The following TTC23L variants were observed in gnomAD, a reference collection of about 807,000 sequenced individuals.
TTC23L encodes the protein tetratricopeptide repeat protein 23-like.
In TTC23L, 42 loss-of-function variants were observed where a neutral mutation model predicts 48.1. The observed-to-expected ratio is 0.87, with a 90% CI of 0.68 to 1.13. TTC23L has a LOEUF of 1.13. Among genes scored for constraint, TTC23L ranks in the 50% most tolerant of loss-of-function variants. TTC23L has a pLI of 0.00. For synonymous variants in TTC23L, 159 were observed against 157.2 expected, an observed-to-expected ratio of 1.01 and a Z score of -0.09; for missense variants, 391 against 421.0, an observed-to-expected ratio of 0.93 and a Z score of 0.62.
chr5:34,869,288 C>T (rs533096928), intron 8 of TTC23L: 9 of 372,140 alleles, frequency 2.4e-5, no homozygotes, highest in South Asian at 2.1e-4. Flanking sequence ...TAATAGATAT[C>T]ACACATACTG....
the TTC23L span, chr5:34,916,050 C>T: frequency 9.0e-6 from 8 of 890,386 alleles, no homozygotes; most frequent in Admixed American, 2.5e-4. Flanking sequence ...AGACTGGGCA[C>T]GGAGTTTGCA....
intron 4 of TTC23L, among the ~76,000 whole-genome samples, chr5:34,853,544 G>T (rs903151330): frequency 2.6e-5 from 4 of 152,018 alleles, no homozygotes; most frequent in Non-Finnish European, 5.9e-5. Flanking sequence ...TGTAGAAAGA[G>T]AGGGGAAGAG....
chr5:34,915,028 A>C, the TTC23L span: 4 of 866,022 alleles, frequency 4.6e-6, no homozygotes, highest in Admixed American at 1.0e-4. Flanking sequence ...ACCTGCGCTG[A>C]GAGGTGGAAA....
At chr5:34,889,987 T>C (rs1445677481) in intron 9 of TTC23L, among the ~76,000 whole-genome samples, 2 of 152,000 alleles carry the variant, frequency 1.3e-5, no homozygotes, top group African/African-American at 2.4e-5. Context: ...TACATGCGTA[T>C]GCCACCACGC....
At chr5:34,902,828 G>T (rs761461238), downstream of TTC23L, among the ~76,000 whole-genome samples, 1 of 152,026 alleles carries the variant, frequency 6.6e-6, no homozygotes, top group Non-Finnish European at 1.5e-5. Context: ...GCCTATCATT[G>T]TTCATTTTAG....
chr5:34,906,287 T>G, the TTC23L span: 12 of 152,260 alleles, frequency 7.9e-5, no homozygotes, highest in African/African-American at 2.4e-4. Context: ...TACAAAAATA[T>G]CCATCCTTAC....
chr5:34,922,119 G>T, the TTC23L span: 5 of 636,732 alleles, frequency 7.9e-6, no homozygotes, highest in Non-Finnish European at 1.3e-5. Context: ...GCCTGGTTAG[G>T]TATTTTTGAG....
At chr5:34,843,776 TC>T (rs1431935178) in intron 2 of TTC23L, among the ~76,000 whole-genome samples, 1 of 152,234 alleles carries the variant, frequency 6.6e-6, no homozygotes, top group East Asian at 1.9e-4. Context: ...TCAATATTTT[TC>T]AAACATTCTA....
At chr5:34,914,717 A>C in the TTC23L span, 3 of 1,614,100 alleles carry the variant, frequency 1.9e-6, no homozygotes, top group Non-Finnish European at 2.5e-6. Flanking sequence ...ATTTGCTTGC[A>C]CACACTTTGC....
chr5:34,866,920 C>T (rs1754334463), exon 7 of TTC23L: 1 of 1,607,266 alleles, frequency 6.2e-7, no homozygotes, highest in Non-Finnish European at 8.5e-7. Flanking sequence ...CAGACTGAAC[C>T]TAGCTCTGGC....
intron 2 of TTC23L, among the ~76,000 whole-genome samples, chr5:34,842,226 ATC>A (rs1221359891): frequency 2.0e-5 from 3 of 152,354 alleles, no homozygotes; most frequent in Non-Finnish European, 4.4e-5. Context: ...GAAATATTTT[ATC>A]TTTTTATACT....
chr5:34,839,576 T>A, intron 1 of TTC23L: 10 of 941,102 alleles, frequency 1.1e-5, no homozygotes, highest in Non-Finnish European at 1.3e-5. Flanking sequence ...GTGGGCATAG[T>A]GTTTAAAGTG....
chr5:34,847,946 C>G (rs1283241302), intron 3 of TTC23L, among the ~76,000 whole-genome samples: 3 of 152,132 alleles, frequency 2.0e-5, no homozygotes, highest in Non-Finnish European at 4.4e-5. Context: ...AAATGGGTTA[C>G]TTTGGTTACC....
chr5:34,873,127 A>T (rs1177697007), intron 8 of TTC23L, among the ~76,000 whole-genome samples: 2 of 152,300 alleles, frequency 1.3e-5, no homozygotes, highest in East Asian at 1.9e-4. Flanking sequence ...TTAATTTTTT[A>T]AAAGTATTAA....
chr5:34,913,649 C>G, the TTC23L span: 1 of 891,360 alleles, frequency 1.1e-6, no homozygotes. Context: ...TCCTAGATTT[C>G]ACTTTATACG....
At chr5:34,846,659 ATGTGTGTATGTGTGTGTGTGTGTG>A (rs1759212420) in intron 3 of TTC23L, among the ~76,000 whole-genome samples, 4 of 69,158 alleles carry the variant, frequency 5.8e-5, no homozygotes, top group African/African-American at 1.6e-4. Flanking sequence ...AAATACATAT[ATGTGTGTATGTGTGTGTGTGTGTG>A]TGTGTGTGTG....
At chr5:34,845,840 C>G in intron 3 of TTC23L, 167 bp downstream of exon 3, 1 of 661,590 alleles carries the variant, frequency 1.5e-6, no homozygotes, top group South Asian at 2.1e-5. Context: ...GCCAGCCCAC[C>G]TTCTGGTTCC....
chr5:34,874,645 C>T (rs1307230457), intron 8 of TTC23L, among the ~76,000 whole-genome samples: 2 of 151,864 alleles, frequency 1.3e-5, no homozygotes, highest in Non-Finnish European at 2.9e-5. Flanking sequence ...TTTGCTTGAG[C>T]CCAGGAGTTT....
the TTC23L span, chr5:34,913,732 T>C: frequency 1.7e-6 from 1 of 593,038 alleles, no homozygotes; most frequent in Non-Finnish European, 3.0e-6. Context: ...CTTAGAGACA[T>C]CCTTTGAAGC....
Sources: gnomAD v4.1 joint callset for allele counts (sites outside exome capture counted in the v4.1 genomes callset) on GRCh38, gnomAD v4.1.1 for gene constraint, MANE v1.5 for transcripts, NCBI Gene and HGNC (gene_info 2026-07-23, HGNC 2026-07-21) for gene names.